Variants in TAF1 observed in about 807,000 individuals in gnomAD.
TAF1 encodes transcription initiation factor TFIID subunit 1.
A neutral mutation model predicts 138.5 loss-of-function variants in TAF1; 2 were observed. That is an observed-to-expected ratio of 0.01 (90% CI 0.01 to 0.05). TAF1 has a LOEUF of 0.05. Ranked by LOEUF, TAF1 falls within the 10% of genes least tolerant of loss-of-function variation. TAF1 has a pLI of 1.00. For synonymous variants in TAF1, 437 were observed against 503.2 expected, an observed-to-expected ratio of 0.87 and a Z score of 1.76; for missense variants, 709 against 1,478.0, an observed-to-expected ratio of 0.48 and a Z score of 8.53.
At chrX:71,505,902 C>G (rs1460731078) in intron 13 of TAF1, among the ~76,000 whole-genome samples, 1 of 111,132 alleles carries the variant, frequency 9.0e-6, no homozygotes, top group African/African-American at 3.3e-5. Context: ...TGCCTGTAAT[C>G]CCAGCTACTC....
At chrX:71,473,300 C>T (rs2038922342) in intron 13 of TAF1, among the ~76,000 whole-genome samples, 1 of 110,351 alleles carries the variant, frequency 9.1e-6, no homozygotes, top group Non-Finnish European at 1.9e-5. Flanking sequence ...GACCTTTAAG[C>T]TGAATCTGAA....
In TAF1 at chrX:71,514,090, C is replaced by T. The variant is rs769090449; in HGVS notation, c.1367-14452C>T. ...CTTGCTGCTGCTCACTCTTTAGGTCCGCACCACCTTTAAGAGCTGTAACAC... is the reference window on the plus strand; with the variant it reads ...CTTGCTGCTGCTCACTCTTTAGGTCTGCACCACCTTTAAGAGCTGTAACAC... On this transcript the variant is annotated intron_variant and NMD_transcript_variant, in intron 13 of 14. Coordinates refer to the TAF1 transcript ENST00000373775. 6.6e-4 allele frequency among the ~76,000 whole-genome samples: 74 copies of T among 111,555 alleles called. No individual in the cohort carries two copies. The South Asian group carries it at 0.01, about 16-fold the overall frequency.
At chrX:71,482,969 C>T (rs2039096953) in intron 13 of TAF1, among the ~76,000 whole-genome samples, 1 of 110,311 alleles carries the variant, frequency 9.1e-6, no homozygotes, top group Admixed American at 9.8e-5. Context: ...GTAGATTTCA[C>T]CTCAAGAAGC....
chrX:71,518,730 C>G (rs1249801655), intron 13 of TAF1, among the ~76,000 whole-genome samples: 2 of 85,119 alleles, frequency 2.3e-5, no homozygotes, highest in African/African-American at 9.2e-5. Context: ...GAGTCTGGCT[C>G]TGTCACCTGG....
intron 13 of TAF1, among the ~76,000 whole-genome samples, chrX:71,518,130 A>T (rs905210341): frequency 1.8e-5 from 2 of 111,482 alleles, no homozygotes; most frequent in Non-Finnish European, 3.8e-5. Context: ...AAACAGATAC[A>T]TAAATTCTTA....
chrX:71,474,257 C>T (rs1428457878), intron 13 of TAF1, among the ~76,000 whole-genome samples: 2 of 111,782 alleles, frequency 1.8e-5, no homozygotes, highest in African/African-American at 3.2e-5. Context: ...CAGAATTTTA[C>T]GCAGGTGAAG....
At chrX:71,382,397 G>A in intron 9 of TAF1, 139 bp from the exon 10 acceptor site, 2 of 651,048 alleles carry the variant, frequency 3.1e-6, no homozygotes, top group Non-Finnish European at 4.3e-6. Context: ...GAAGTTACCT[G>A]GGGGGGGGTG....
intron 3 of TAF1, among the ~76,000 whole-genome samples, chrX:71,371,173 A>G (rs2033031778): frequency 1.8e-5 from 2 of 111,790 alleles, no homozygotes; most frequent in African/African-American, 6.5e-5. Context: ...CTAACTTCCT[A>G]TAAAAGGAGG....
intron 18 of TAF1, among the ~76,000 whole-genome samples, chrX:71,390,561 C>T (rs1246513019): frequency 9.0e-6 from 1 of 111,368 alleles, no homozygotes; most frequent in Non-Finnish European, 1.9e-5. Context: ...GCTCTGTTAC[C>T]CAGGCTGTAC....
intron 13 of TAF1, among the ~76,000 whole-genome samples, chrX:71,503,306 A>ATATATATGTGTG (rs1569408323): frequency 1.5e-4 from 14 of 95,574 alleles, no homozygotes; most frequent in African/African-American, 5.4e-4. Context: ...GTGTATATAT[A>ATATATATGTGTG]TATATATATA....
At chrX:71,485,085 CTT>C (rs2039147064) in intron 13 of TAF1, 1 of 112,102 alleles carries the variant, frequency 8.9e-6, no homozygotes, top group African/African-American at 3.2e-5. Context: ...CTGGCCAACA[CTT>C]TGACTGCAAC....
intron 12 of TAF1, 86 bp from the exon 13 acceptor site, chrX:71,383,876 G>C: frequency 9.9e-7 from 1 of 1,012,501 alleles, no homozygotes; most frequent in Non-Finnish European, 1.3e-6. Flanking sequence ...AAATGTTTTT[G>C]GTGTGTTTGT....
At chrX:71,527,644 C>T (rs1379395843) in intron 13 of TAF1, among the ~76,000 whole-genome samples, 3 of 111,595 alleles carry the variant, frequency 2.7e-5, no homozygotes, top group East Asian at 5.6e-4. Flanking sequence ...AAAATAAACT[C>T]AAGACACCTT....
At chrX:71,477,255 T>C (rs1180918986) in intron 13 of TAF1, among the ~76,000 whole-genome samples, 1 of 111,137 alleles carries the variant, frequency 9.0e-6, no homozygotes, top group African/African-American at 3.3e-5. Flanking sequence ...TTAGATCTTT[T>C]AGGAGAAATA....
chrX:71,508,737 AGT>A (rs112821544), intron 13 of TAF1, among the ~76,000 whole-genome samples: 6,838 of 100,407 alleles, frequency 0.068, 439 homozygotes, highest in African/African-American at 0.19. Context: ...AGACAGAGTG[AGT>A]GTGTGTGTGT....
At chrX:71,507,118 G>A (rs1362605298) in intron 13 of TAF1, among the ~76,000 whole-genome samples, 1 of 112,107 alleles carries the variant, frequency 8.9e-6, no homozygotes, top group Non-Finnish European at 1.9e-5. Context: ...TACATATGGG[G>A]TGACGAAGCT....
chrX:71,452,842 C>T (rs960250717), intron 32 of TAF1, among the ~76,000 whole-genome samples: 3 of 112,424 alleles, frequency 2.7e-5, no homozygotes, highest in Non-Finnish European at 5.6e-5. Flanking sequence ...GCGGATCACT[C>T]GCGGTTAGGA....
At chrX:71,461,454 A>C (rs757680312) in intron 37 of TAF1, among the ~76,000 whole-genome samples, 1 of 111,428 alleles carries the variant, frequency 9.0e-6, no homozygotes, top group East Asian at 2.8e-4. Context: ...ACACATGATG[A>C]GGATATCAAC....
At chrX:71,447,257 C>T (rs764417490) in intron 32 of TAF1, among the ~76,000 whole-genome samples, 5 of 111,268 alleles carry the variant, frequency 4.5e-5, no homozygotes, top group African/African-American at 1.6e-4. Flanking sequence ...ACAGAGTACT[C>T]ATTTTCTTAG....
Sources: gnomAD v4.1 joint callset for allele counts (sites outside exome capture counted in the v4.1 genomes callset) on GRCh38, gnomAD v4.1.1 for gene constraint, MANE v1.5 for transcripts, NCBI Gene and HGNC (gene_info 2026-07-23, HGNC 2026-07-21) for gene names.